Variants in PDZD7 observed in about 807,000 individuals in gnomAD.
PDZD7 encodes the protein PDZ domain containing 7, also known as PDZ domain-containing protein 7.
In PDZD7, 72 loss-of-function variants were observed where a neutral mutation model predicts 84.7. The observed-to-expected ratio is 0.85, with a 90% CI of 0.70 to 1.03. The LOEUF is 1.03. PDZD7 is among the 50% of genes least tolerant of loss of function. The probability of loss-of-function intolerance (pLI) is 0.00; values close to 1 mark genes in which losing one functional copy is unlikely to be tolerated. For missense variants in PDZD7, 1,490 were observed against 1,412.9 expected (o/e 1.05, Z -0.87); for synonymous variants, 594 against 580.7 (o/e 1.02, Z -0.33).
chr10:101,011,637 C>G, intron 14 of PDZD7, 53 bp downstream of exon 14: 2 of 1,530,286 alleles, frequency 1.3e-6, no homozygotes, highest in Non-Finnish European at 1.8e-6. Flanking sequence ...ATCCTCCTTT[C>G]CCTAATCTCC....
In PDZD7 at chr10:101,018,943, G is replaced by C. The variant is rs768925994; in HGVS notation, c.1203C>G (p.Gly401=). Residue 401 remains glycine, a synonymous_variant, in exon 8 of 17, where the codon GGC becomes GGG. Coordinates refer to ENST00000619208, the MANE Select transcript of PDZD7 (RefSeq NM_001195263.2). Reference sequence around the variant, plus strand: ...AGTCAAGGCGGCGGCCGGGATGGGGGCCGTCCGAGCGGATGGCGGTGTCCC... The same window carrying C: ...AGTCAAGGCGGCGGCCGGGATGGGGCCCGTCCGAGCGGATGGCGGTGTCCC... ...ILRDTAIRSD[G]PHPGRRLDSA... is the part of the protein sequence containing the mutation. 2.5e-6 allele frequency: 4 copies of C among 1,600,974 alleles called. No individual in the cohort carries two copies. The highest frequency in any genetic ancestry group is 3.4e-6 in the Non-Finnish European group (4 of 1,174,588).
Position 101,012,157 on chromosome 10 carries a change from C to T in PDZD7, c.1841+10G>A. 2 of 1,550,056 alleles carry T rather than the reference C, an allele frequency of 1.3e-6. No individual in the cohort carries two copies. Among genetic ancestry groups the T allele is most frequent in the Non-Finnish European group, 1.7e-6 (2 of 1,146,610 alleles). On this transcript the variant is annotated intron_variant, in intron 12 of 16. Transcript: ENST00000619208. Reference sequence around the variant, plus strand: ...CCTGCCCCCAAGCCCTCTCTGCAACCTCCTCCCACCTGATGTCCTGCAGCA... The same window carrying T: ...CCTGCCCCCAAGCCCTCTCTGCAACTTCCTCCCACCTGATGTCCTGCAGCA...
Position 101,012,257 on chromosome 10 carries a change from T to C in PDZD7, c.1751A>G (p.Tyr584Cys), listed in dbSNP as rs573697929. 10 of 1,549,606 alleles carry C rather than the reference T, an allele frequency of 6.5e-6. No individual in the cohort carries two copies. In the African/African-American group the frequency reaches 1.4e-4, roughly 21 times the overall value. The change falls in exon 12 of 17, where the codon TAT becomes TGT. Residue 584 changes from tyrosine (Y) to cysteine (C), a missense_variant and splice_region_variant. Physicochemically the swap from Tyr to Cys is radical, Grantham distance 194 (BLOSUM62 -2). Coordinates refer to ENST00000619208, the MANE Select transcript of PDZD7 (RefSeq NM_001195263.2). ...GTCCTCTATGCCTCCCTCGTGCACA[T>C]ACTGCAGATAGAGGCAGCACAGGTC... ...VLAVTRHCSR[Y>C]VHEGGIEDLV...
Position 101,015,772 on chromosome 10 carries a change from C to T in PDZD7, c.1613G>A (p.Gly538Glu), listed in dbSNP as rs112571971. Residue 538 changes from glycine to glutamate, a missense_variant, in exon 11 of 17, where the codon GGG (glycine) becomes GAG (glutamate). Transcript: ENST00000619208. ...ATTAGGCAGCTGGCTGGAGGGACTC[C>T]CAGACCTGGCAGACAGCAGGGCCCG... is the stretch of plus-strand genomic sequence containing the variant. ...RGRALLSARS[G>E]SPSSQLPNVD... 10,453 of 1,549,712 alleles carry T rather than the reference C, an allele frequency of 6.7e-3. 63 individuals are homozygous for T. Among genetic ancestry groups the T allele is most frequent in the Non-Finnish European group, 7.0e-3 (7,993 of 1,146,872 alleles).
intron 2 of PDZD7, among the ~76,000 whole-genome samples, chr10:101,024,524 T>C (rs191194789): frequency 8.6e-4 from 131 of 152,282 alleles, no homozygotes; most frequent in African/African-American, 3.0e-3. Context: ...ATTATAGGTA[T>C]GAGCCGCATA....
chr10:101,023,368 T>G, intron 4 of PDZD7, 68 bp downstream of exon 4: 1 of 1,592,980 alleles, frequency 6.3e-7, no homozygotes, highest in African/African-American at 1.3e-5. Context: ...CCAGTGGGTT[T>G]TGGGTGTTGG....
chr10:101,018,723 G>A, intron 8 of PDZD7, 99 bp downstream of exon 8: 1 of 1,432,238 alleles, frequency 7.0e-7, no homozygotes, highest in African/African-American at 1.4e-5. Context: ...GCTTCGTCAA[G>A]GCCTGGGGCA....
At chr10:101,013,253 A>G (rs1424916412) in intron 11 of PDZD7, among the ~76,000 whole-genome samples, 1 of 152,214 alleles carries the variant, frequency 6.6e-6, no homozygotes, top group Non-Finnish European at 1.5e-5. Flanking sequence ...TCATATGTGC[A>G]CACGCTTTAA....
In PDZD7 at chr10:101,011,816, G is replaced by A. The variant is rs807020; in HGVS notation, c.1934-55C>T. 0.26 allele frequency: 405,448 copies of A among 1,550,204 alleles called. 57,114 individuals are homozygous for A. The highest frequency in any genetic ancestry group is 0.59 in the East Asian group (23,961 of 40,904). ...AAGGTACCCCGCCAGGCTCCGGGACGGAGGCAGCTCAAGGGGCTCGGCAAT... is the reference window on the plus strand; with the variant it reads ...AAGGTACCCCGCCAGGCTCCGGGACAGAGGCAGCTCAAGGGGCTCGGCAAT... On this transcript the variant is annotated intron_variant, in intron 13 of 16. Transcript: ENST00000619208.
rs1162781971 is a variant in PDZD7, at chr10:101,010,496, G to T, written c.2393C>A (p.Ser798Tyr). 7.2e-6 allele frequency: 11 copies of T among 1,534,432 alleles called. No individual in the cohort carries two copies. The highest frequency in any genetic ancestry group is 3.6e-5 in the South Asian group (3 of 84,040). The change falls in exon 15 of 17, where the codon TCC becomes TAC. Residue 798 changes from serine (S) to tyrosine (Y), a missense_variant. Coordinates refer to ENST00000619208, the MANE Select transcript of PDZD7 (RefSeq NM_001195263.2). ...GCTGGGGGCAGGGGTAGGCACCGGG[G>T]ATGGGGAGCGTCTACCTGGAGACTT... ...QGKSPGRRSP[S>Y]PVPTPAPSMT...
intron 2 of PDZD7, among the ~76,000 whole-genome samples, chr10:101,029,409 G>A (rs1473833519): frequency 2.6e-5 from 4 of 152,096 alleles, no homozygotes; most frequent in African/African-American, 4.8e-5. Flanking sequence ...GCGGCATTAA[G>A]CAACTACATA....
chr10:101,027,200 C>T (rs1189191378), intron 2 of PDZD7, among the ~76,000 whole-genome samples: 1 of 152,188 alleles, frequency 6.6e-6, no homozygotes, highest in African/African-American at 2.4e-5. Context: ...CTCCAGTCTC[C>T]TCACCATGCC....
rs1002368697 is a variant in PDZD7, at chr10:101,008,739, C to T, written c.2830G>A (p.Glu944Lys). ...GGCCCGGGGACCCTGACCACAAGCTCCATGGGCTCCCGGGCCTTGTTTCGA... is the reference window on the plus strand; with the variant it reads ...GGCCCGGGGACCCTGACCACAAGCTTCATGGGCTCCCGGGCCTTGTTTCGA... Reference protein sequence around the residue: ...AYRNKAREPMELVVRVPGPSP... With the variant: ...AYRNKAREPMKLVVRVPGPSP... The change falls in exon 17 of 17, where the codon GAG becomes AAG. Residue 944 changes from glutamate (E) to lysine (K), a missense_variant. Coordinates refer to ENST00000619208, the MANE Select transcript of PDZD7 (RefSeq NM_001195263.2). The T allele has an allele frequency of 2.0e-6, 3 of 1,535,818 alleles. No individual in the cohort carries two copies. The highest frequency in any genetic ancestry group is 2.6e-6 in the Non-Finnish European group (3 of 1,146,826).
At chr10:101,013,584 G>A (rs925731511) in intron 11 of PDZD7, among the ~76,000 whole-genome samples, 4 of 152,210 alleles carry the variant, frequency 2.6e-5, no homozygotes, top group African/African-American at 9.6e-5. Flanking sequence ...TGGTTTAAAC[G>A]TGGCCATGGG....
chr10:101,017,839 G>GAAAGAA (rs1554834564), intron 9 of PDZD7: 1 of 91,112 alleles, frequency 1.1e-5, no homozygotes, highest in Non-Finnish European at 2.2e-5. Context: ...AGGAAGGAAG[G>GAAAGAA]AAAGAAAGAA....
At chr10:101,017,479 A>T in intron 9 of PDZD7, 1 of 584,276 alleles carries the variant, frequency 1.7e-6, no homozygotes, top group South Asian at 2.1e-5. Flanking sequence ...TTGCTGCTTC[A>T]GCTTCCAGAG....
intron 2 of PDZD7, among the ~76,000 whole-genome samples, chr10:101,029,136 AT>A (rs1351096479): frequency 6.6e-6 from 1 of 152,224 alleles, no homozygotes; most frequent in Non-Finnish European, 1.5e-5. Flanking sequence ...CGCACCTGGC[AT>A]TCTAGGTCCT....
chr10:101,013,851 CTTTTT>C (rs111945530), intron 11 of PDZD7, among the ~76,000 whole-genome samples: 3 of 134,668 alleles, frequency 2.2e-5, no homozygotes, highest in Admixed American at 7.5e-5. Flanking sequence ...TCTTTTCTTT[CTTTTT>C]TTTTTTTTTT....
chr10:101,009,330 T>C lies in PDZD7; in HGVS notation c.2638A>G (p.Ile880Val), dbSNP rs1384024033. ...ACCATGGGCTGCACCTTGGACTCAATGCCCCCAGAAATGCTGATACCTAGT... is the reference window on the plus strand; with the variant it reads ...ACCATGGGCTGCACCTTGGACTCAACGCCCCCAGAAATGCTGATACCTAGT... ...QSLGISISGGIESKVQPMVKI... is the reference protein window; with the variant it reads ...QSLGISISGGVESKVQPMVKI... Residue 880 changes from isoleucine (I) to valine (V), a missense_variant, in exon 16 of 17, where the codon ATT (isoleucine) becomes GTT (valine). Ile to Val is a conservative substitution (Grantham distance 29). Transcript: ENST00000619208. 1.3e-6 allele frequency: 2 copies of C among 1,535,902 alleles called. No individual in the cohort carries two copies. Among genetic ancestry groups the C allele is most frequent in the African/African-American group, 2.7e-5 (2 of 73,004 alleles).
Sources: gnomAD v4.1 joint callset for allele counts (sites outside exome capture counted in the v4.1 genomes callset) on GRCh38, gnomAD v4.1.1 for gene constraint, MANE v1.5 for transcripts, NCBI Gene and HGNC (gene_info 2026-07-23, HGNC 2026-07-21) for gene names.